The following MAP4 variants were observed in gnomAD, a reference collection of about 807,000 sequenced individuals.
The protein encoded by MAP4 is microtubule-associated protein 4.
MAP4 carries 76 observed loss-of-function variants against 170.2 expected under a neutral mutation model. The ratio of observed to expected loss-of-function variants is 0.45; its 90% CI spans 0.37 to 0.54. The LOEUF is 0.54. Ranked by LOEUF, MAP4 falls within the 20% of genes least tolerant of loss-of-function variation. The pLI is 0.00. For synonymous variants in MAP4, 909 were observed against 994.5 expected (o/e 0.91, Z 1.62); for missense variants, 2,506 against 2,748.0 (o/e 0.91, Z 1.97).
chr3:47,958,563 C>A (rs758592362), intron 3 of MAP4, among the ~76,000 whole-genome samples: 1 of 152,140 alleles, frequency 6.6e-6, no homozygotes, highest in African/African-American at 2.4e-5. Context: ...GTTGCCCAGG[C>A]TGGAGTGCAG....
chr3:48,081,000 T>C (rs376875206), intron 1 of MAP4, among the ~76,000 whole-genome samples: 1 of 152,222 alleles, frequency 6.6e-6, no homozygotes, highest in Non-Finnish European at 1.5e-5. Context: ...GGCGGGCTCC[T>C]GTATTCCCAG....
At chr3:48,050,541 G>C (rs1309091469) in intron 1 of MAP4, among the ~76,000 whole-genome samples, 1 of 150,930 alleles carries the variant, frequency 6.6e-6, no homozygotes. Context: ...GAAAGATTCG[G>C]TTTTCATTTA....
rs766966275 is a variant in MAP4, at chr3:47,910,013, G to C, written c.4408C>G (p.Pro1470Ala). The change falls in exon 9 of 21, where the codon CCA (proline) becomes GCA (alanine). Residue 1470 changes from proline (P) to alanine (A), a missense_variant. By Grantham distance (27) the Pro-to-Ala change is conservative. Coordinates refer to ENST00000683076, the MANE Select transcript of MAP4 (RefSeq NM_001385682.1). ...ATTAATGATTTGGAAATCTGGGCTG[G>C]GGCTATCTCTTGCCCATTTTTTGCC... Reference protein sequence around the residue: ...TLAKNGQEIAPAQISKSLMVD... With the variant: ...TLAKNGQEIAAAQISKSLMVD... The C allele has an allele frequency of 8.1e-6, 13 of 1,613,928 alleles. No individual in the cohort carries two copies. In the South Asian group the frequency reaches 1.1e-4, roughly 14 times the overall value.
chr3:48,058,938 C>A (rs868670882), intron 1 of MAP4, among the ~76,000 whole-genome samples: 13 of 152,062 alleles, frequency 8.5e-5, no homozygotes, highest in Admixed American at 5.2e-4. Context: ...CACCACCACG[C>A]CCGGCTAATT....
Position 47,916,640 on chromosome 3 carries a change from A to G in MAP4, c.1187T>C (p.Met396Thr). 6.2e-7 allele frequency: 1 copy of G among 1,614,110 alleles called. No homozygotes were observed. Among genetic ancestry groups the G allele is most frequent in the Non-Finnish European group, 8.5e-7 (1 of 1,180,016 alleles). ...TATCTTGTTTTCTTTGGGTGGTCCC[A>G]TGTCCTTGGAAGGAGCCAAGTCCAT... ...IKMDLAPSKD[M>T]GPPKENKIVP... The change falls in exon 7 of 21, where the codon ATG (methionine) becomes ACG (threonine). Residue 396 changes from methionine to threonine, a missense_variant. Physicochemically the swap from Met to Thr is moderately conservative, Grantham distance 81. Coordinates refer to ENST00000683076, the MANE Select transcript of MAP4 (RefSeq NM_001385682.1).
At chr3:47,915,525 A>T (rs1238545982) in intron 7 of MAP4, among the ~76,000 whole-genome samples, 1 of 152,202 alleles carries the variant, frequency 6.6e-6, no homozygotes, top group East Asian at 1.9e-4. Flanking sequence ...AGGGAAGAAT[A>T]CATGGGGCAA....
chr3:48,063,404 TAAAA>T (rs35033632), intron 1 of MAP4, among the ~76,000 whole-genome samples: 1 of 136,184 alleles, frequency 7.3e-6, no homozygotes. Flanking sequence ...ACCTGTGTCT[TAAAA>T]AAAAAAAAAA....
At chr3:48,024,429 G>A (rs1482629436) in intron 1 of MAP4, among the ~76,000 whole-genome samples, 3 of 152,148 alleles carry the variant, frequency 2.0e-5, no homozygotes, top group Non-Finnish European at 4.4e-5. Context: ...ATTTCCCTTG[G>A]AGTTAGAAGT....
intron 2 of MAP4, among the ~76,000 whole-genome samples, chr3:47,997,189 G>A (rs937945691): frequency 4.5e-4 from 68 of 151,762 alleles, no homozygotes; most frequent in African/African-American, 1.5e-3. Context: ...GAATGGGGCA[G>A]AAGAAATATT....
intron 10 of MAP4, 141 bp from the exon 11 acceptor site, chr3:47,877,664 G>T: frequency 1.8e-6 from 1 of 560,472 alleles, no homozygotes; most frequent in Non-Finnish European, 3.1e-6. Flanking sequence ...GCTGAAATGT[G>T]GACAAGCCTC....
At chr3:48,000,495 C>G (rs1331815407) in intron 1 of MAP4, among the ~76,000 whole-genome samples, 1 of 152,124 alleles carries the variant, frequency 6.6e-6, no homozygotes, top group Non-Finnish European at 1.5e-5. Flanking sequence ...TCCCCTAATA[C>G]AAACCAATCC....
rs766272431 is a variant in MAP4, at chr3:47,914,814, T to TAG, written c.1999+2_1999+3insCT. On this transcript the variant is annotated splice_region_variant and intron_variant, in intron 8 of 20. Transcript: ENST00000683076. ...AAGAGTTCATTTTGTTTTCCTAACT[T>TAG]ACCTGAGGTCTCTGAAGAAAGCTCA... is the stretch of plus-strand genomic sequence containing the variant. 2.5e-6 allele frequency: 4 copies of TAG among 1,614,122 alleles called. No homozygotes were observed. The East Asian group carries it at 8.9e-5, about 36-fold the overall frequency.
intron 17 of MAP4, among the ~76,000 whole-genome samples, chr3:47,860,448 C>T (rs1309432376): frequency 6.6e-6 from 1 of 152,232 alleles, no homozygotes; most frequent in Non-Finnish European, 1.5e-5. Context: ...CTTGCCTTGG[C>T]CTCCCAAAGT....
chr3:48,061,648 C>G (rs1178861253), intron 1 of MAP4, among the ~76,000 whole-genome samples: 1 of 151,116 alleles, frequency 6.6e-6, no homozygotes, highest in African/African-American at 2.4e-5. Flanking sequence ...TCTGCCTGGC[C>G]GCCCATCGTC....
intron 3 of MAP4, among the ~76,000 whole-genome samples, chr3:47,935,847 G>A (rs944759228): frequency 2.0e-5 from 3 of 150,376 alleles, no homozygotes; most frequent in Admixed American, 1.3e-4. Context: ...GCTGAGACAG[G>A]AGAATTGCTT....
chr3:47,853,522 C>A (rs2048495444), intron 19 of MAP4, among the ~76,000 whole-genome samples, 170 bp from the exon 20 acceptor site: 1 of 152,030 alleles, frequency 6.6e-6, no homozygotes, highest in Non-Finnish European at 1.5e-5. Context: ...CCCCACCCAC[C>A]CCACCTCACC....
intron 1 of MAP4, among the ~76,000 whole-genome samples, chr3:48,087,169 C>T (rs931349291): frequency 6.6e-6 from 1 of 152,160 alleles, no homozygotes; most frequent in African/African-American, 2.4e-5. Flanking sequence ...TAGTACGGAT[C>T]AGCAAACTAC....
intron 1 of MAP4, among the ~76,000 whole-genome samples, chr3:48,077,320 A>G (rs1353096374): frequency 6.6e-6 from 1 of 151,920 alleles, no homozygotes; most frequent in East Asian, 1.9e-4. Context: ...ACATGCCTGT[A>G]ATCCCAGCTA....
At chr3:47,951,357 G>GTCTCCC (rs926521646) in intron 3 of MAP4, among the ~76,000 whole-genome samples, 7 of 151,152 alleles carry the variant, frequency 4.6e-5, no homozygotes, top group Non-Finnish European at 1.0e-4. Context: ...TCTCCCCACG[G>GTCTCCC]TCTCCCTCTC....
Sources: allele counts gnomAD v4.1 joint callset (sites outside exome capture counted in the v4.1 genomes callset), GRCh38; gene constraint gnomAD v4.1.1; transcripts MANE v1.5; gene names NCBI Gene and HGNC (gene_info 2026-07-23, HGNC 2026-07-21).